HHAT: variants seen among roughly 807,000 people sequenced by gnomAD.
HHAT encodes hedgehog acyltransferase, also known as protein-cysteine N-palmitoyltransferase HHAT.
A neutral mutation model predicts 70.8 loss-of-function variants in HHAT; 47 were observed. The observed-to-expected ratio is 0.66, with a 90% CI of 0.53 to 0.85. The LOEUF (loss-of-function observed/expected upper bound fraction) is 0.85, where lower values mean the gene tolerates loss of function less well. HHAT is among the 40% of genes least tolerant of loss of function. HHAT has a pLI of 0.00. For missense variants in HHAT, 609 were observed against 604.8 expected, an observed-to-expected ratio of 1.01 and a Z score of -0.07; for synonymous variants, 228 against 247.6, an observed-to-expected ratio of 0.92 and a Z score of 0.74.
At chr1:210,407,506 C>T (rs10489382) in intron 6 of HHAT, among the ~76,000 whole-genome samples, 4,184 of 152,284 alleles carry the variant, frequency 0.027, 214 homozygotes, top group African/African-American at 0.095. Context: ...TTTAGGCATA[C>T]ACCTGGAGAA....
At chr1:210,464,357 G>A (rs915910253) in intron 7 of HHAT, 148 bp from the exon 8 acceptor site, 1 of 759,212 alleles carries the variant, frequency 1.3e-6, no homozygotes, top group South Asian at 1.7e-5. Context: ...AAACCAGTGT[G>A]GAATACTTTT....
At chr1:210,365,734 G>A (rs1296811553) in intron 3 of HHAT, among the ~76,000 whole-genome samples, 1 of 151,528 alleles carries the variant, frequency 6.6e-6, no homozygotes, top group Non-Finnish European at 1.5e-5. Flanking sequence ...TCTTGCCTCA[G>A]TCTCTTGAGT....
chr1:210,514,099 A>G (rs1255585798), intron 9 of HHAT, among the ~76,000 whole-genome samples: 1 of 152,158 alleles, frequency 6.6e-6, no homozygotes, highest in East Asian at 1.9e-4. Flanking sequence ...ATGCTCTTTG[A>G]GAGGAAGTGT....
chr1:210,550,367 C>T (rs2095517937), intron 9 of HHAT, among the ~76,000 whole-genome samples: 1 of 149,170 alleles, frequency 6.7e-6, no homozygotes, highest in Non-Finnish European at 1.5e-5. Flanking sequence ...GAGAATGGCT[C>T]CTTCTCTCTG....
At chr1:210,506,312 T>C (rs2094853343) in intron 8 of HHAT, among the ~76,000 whole-genome samples, 1 of 150,420 alleles carries the variant, frequency 6.6e-6, no homozygotes, top group South Asian at 2.1e-4. Flanking sequence ...GGAGCATTCA[T>C]ACTTAGAGAT....
chr1:210,529,788 C>T lies in HHAT; in HGVS notation c.1043+16600C>T, dbSNP rs568257737. Reference sequence around the variant, plus strand: ...GCTGTACATGCCACAGTGCTGCCAGCGGTGTCACCAGAAGCGGAGTGAACT... The same window carrying T: ...GCTGTACATGCCACAGTGCTGCCAGTGGTGTCACCAGAAGCGGAGTGAACT... On this transcript the variant is annotated intron_variant, in intron 9 of 11. Coordinates refer to ENST00000261458, the MANE Select transcript of HHAT (RefSeq NM_018194.6). Among the ~76,000 whole-genome samples the T allele has an allele frequency of 3.9e-5, 6 of 152,310 alleles. No individual in the cohort carries two copies. The East Asian group carries it at 1.2e-3, about 29-fold the overall frequency.
intron 11 of HHAT, among the ~76,000 whole-genome samples, chr1:210,628,126 C>T (rs973186140): frequency 2.0e-5 from 3 of 152,116 alleles, no homozygotes; most frequent in Non-Finnish European, 4.4e-5. Context: ...CAGCTGTGAC[C>T]TAAGCATCTT....
intron 8 of HHAT, among the ~76,000 whole-genome samples, chr1:210,483,660 T>C (rs2094432293): frequency 6.6e-6 from 1 of 152,212 alleles, no homozygotes; most frequent in Non-Finnish European, 1.5e-5. Flanking sequence ...TATAATTTAT[T>C]TGATGTAGTT....
intron 2 of HHAT, among the ~76,000 whole-genome samples, chr1:210,351,600 T>C (rs1289864608): frequency 1.3e-5 from 2 of 152,206 alleles, no homozygotes; most frequent in East Asian, 3.9e-4. Context: ...TCCTGTTTCA[T>C]GTATTGTCAG....
chr1:210,588,023 C>A lies in HHAT; in HGVS notation c.1169C>A (p.Ala390Glu), dbSNP rs139134333. ...TACGACTACCTCTGGTGCTGGGCAG[C>A]GCTCAACTGGCTGGGAGTCACTGTG... ...GGYDYLWCWAALNWLGVTVEN... is the reference protein window; with the variant it reads ...GGYDYLWCWAELNWLGVTVEN... Residue 390 changes from alanine (A) to glutamate (E), a missense_variant, in exon 10 of 12, where the codon GCG becomes GAG. Transcript: ENST00000261458. 4 of 1,613,884 alleles carry A rather than the reference C, an allele frequency of 2.5e-6. No individual in the cohort carries two copies. Among genetic ancestry groups the A allele is most frequent in the African/African-American group, 2.7e-5 (2 of 74,928 alleles).
At chr1:210,489,230 T>C (rs1201611367) in intron 8 of HHAT, among the ~76,000 whole-genome samples, 2 of 152,302 alleles carry the variant, frequency 1.3e-5, no homozygotes, top group Non-Finnish European at 2.9e-5. Context: ...ATTGTGTTGT[T>C]AGTAAATAGT....
intron 10 of HHAT, among the ~76,000 whole-genome samples, chr1:210,613,899 G>A (rs1435633833): frequency 1.3e-5 from 2 of 151,272 alleles, no homozygotes; most frequent in African/African-American, 4.9e-5. Flanking sequence ...CCACACCTGT[G>A]GTCCCAGCTT....
At chr1:210,374,275 C>T (rs186477303) in intron 3 of HHAT, 49 of 151,942 alleles carry the variant, frequency 3.2e-4, no homozygotes, top group Admixed American at 1.8e-3. Context: ...TGTAATGCTA[C>T]AAATTAGTTC....
At position 210,588,099 on chromosome 1, in the gene HHAT, G is replaced by C. The variant is rs764066811; in HGVS notation, c.1245G>C (p.Leu415=). ...LVETPCIQDS[L]ARYFSPQARR... is the part of the protein sequence containing the mutation. ...AGACTCCCTGCATCCAGGACAGTCT[G>C]GTGAGCAGGATCCTTGCTGCTGTGT... Residue 415 remains leucine, a splice_region_variant and synonymous_variant, in exon 10 of 12, where the codon CTG becomes CTC. Transcript: ENST00000261458. The C allele has an allele frequency of 8.8e-6, 14 of 1,598,616 alleles. No individual in the cohort carries two copies. In the East Asian group the frequency reaches 3.1e-4, roughly 36 times the overall value.
chr1:210,435,455 A>T (rs1395856211), intron 7 of HHAT, among the ~76,000 whole-genome samples: 2 of 151,808 alleles, frequency 1.3e-5, no homozygotes, highest in Non-Finnish European at 2.9e-5. Context: ...TTGCTTTGAC[A>T]TGTTGATTTC....
intron 8 of HHAT, among the ~76,000 whole-genome samples, chr1:210,510,882 C>T (rs892932146): frequency 1.3e-5 from 2 of 152,190 alleles, no homozygotes; most frequent in Non-Finnish European, 2.9e-5. Flanking sequence ...TCTTCCATGT[C>T]TGCTTTGTCC....
chr1:210,546,343 G>A lies in HHAT; in HGVS notation c.1043+33155G>A, dbSNP rs552315989. Among the ~76,000 whole-genome samples, 2 of 152,354 alleles carry A rather than the reference G, an allele frequency of 1.3e-5. 1 individual carries two copies. Among genetic ancestry groups the A allele is most frequent in the South Asian group, 4.1e-4 (2 of 4,828 alleles). On this transcript the variant is annotated intron_variant, in intron 9 of 11. Coordinates refer to ENST00000261458, the MANE Select transcript of HHAT (RefSeq NM_018194.6). Reference sequence around the variant, plus strand: ...AGGACCATCCACTTGGCCTGAGGAAGCCATGAAACATTTCAGGGAACGTGA... The same window carrying A: ...AGGACCATCCACTTGGCCTGAGGAAACCATGAAACATTTCAGGGAACGTGA...
chr1:210,595,535 C>T (rs574135063), intron 10 of HHAT, among the ~76,000 whole-genome samples: 1 of 152,136 alleles, frequency 6.6e-6, no homozygotes, highest in Non-Finnish European at 1.5e-5. Flanking sequence ...CCTGAGGAGT[C>T]GCCACACTGA....
chr1:210,403,187 A>G (rs2092161789), intron 5 of HHAT, among the ~76,000 whole-genome samples: 1 of 152,206 alleles, frequency 6.6e-6, no homozygotes, highest in Non-Finnish European at 1.5e-5. Flanking sequence ...GTATGTCAAA[A>G]TCTGGACTTA....
Sources: gnomAD v4.1 joint callset for allele counts (sites outside exome capture counted in the v4.1 genomes callset) on GRCh38, gnomAD v4.1.1 for gene constraint, MANE v1.5 for transcripts, NCBI Gene and HGNC (gene_info 2026-07-23, HGNC 2026-07-21) for gene names.